Variants in FRMD4A observed in about 807,000 individuals in gnomAD.
FRMD4A encodes FERM domain containing 4A.
A neutral mutation model predicts 129.1 loss-of-function variants in FRMD4A; 29 were observed. That is an observed-to-expected ratio of 0.22 (90% CI 0.17 to 0.31). The LOEUF is 0.31. FRMD4A is among the 10% of genes least tolerant of loss of function. The probability of loss-of-function intolerance (pLI) is 1.00; values close to 1 mark genes in which losing one functional copy is unlikely to be tolerated. For missense variants in FRMD4A, 1,272 were observed against 1,375.8 expected (o/e 0.92, Z 1.19); for synonymous variants, 634 against 571.6 (o/e 1.11, Z -1.56).
At chr10:14,029,196 C>G (rs1015970588) in intron 2 of FRMD4A, among the ~76,000 whole-genome samples, 3 of 151,894 alleles carry the variant, frequency 2.0e-5, no homozygotes, top group African/African-American at 4.8e-5. Context: ...TTCTATGAAA[C>G]ATCTCCTCCA....
intron 2 of FRMD4A, among the ~76,000 whole-genome samples, chr10:14,042,323 G>A (rs1042010775): frequency 2.0e-5 from 3 of 152,000 alleles, no homozygotes; most frequent in African/African-American, 7.3e-5. Context: ...CTCTGCCTTT[G>A]CCTCTTTTAA....
intron 12 of FRMD4A, among the ~76,000 whole-genome samples, chr10:13,708,259 A>G (rs938957449): frequency 1.3e-5 from 2 of 152,138 alleles, no homozygotes; most frequent in Admixed American, 6.5e-5. Context: ...TGACCTGCTC[A>G]TGTTCTGCCC....
chr10:13,788,704 C>T (rs1468748768), intron 5 of FRMD4A, among the ~76,000 whole-genome samples: 1 of 152,226 alleles, frequency 6.6e-6, no homozygotes, highest in Non-Finnish European at 1.5e-5. Flanking sequence ...CCCAAACTAG[C>T]TCAGATGATC....
At chr10:13,660,946 TCTGAGTTCTGG>T (rs2082594740) in intron 19 of FRMD4A, among the ~76,000 whole-genome samples, 1 of 152,060 alleles carries the variant, frequency 6.6e-6, no homozygotes, top group Admixed American at 6.5e-5. Flanking sequence ...TGTGGGAGGG[TCTGAGTTCTGG>T]GAGAGTTTTG....
intron 2 of FRMD4A, among the ~76,000 whole-genome samples, chr10:13,996,308 G>T (rs887076565): frequency 6.6e-6 from 1 of 152,214 alleles, no homozygotes; most frequent in Non-Finnish European, 1.5e-5. Context: ...CCTGACACCT[G>T]CACTGCTGCC....
intron 2 of FRMD4A, among the ~76,000 whole-genome samples, chr10:14,134,576 GTGGGTAGATGGATGGA>G (rs761184009): frequency 4.3e-4 from 65 of 150,362 alleles, no homozygotes; most frequent in Non-Finnish European, 8.4e-4. Flanking sequence ...GGATGGGTAG[GTGGGTAGATGGATGGA>G]TGGGTAGATG....
chr10:13,954,770 C>T (rs979572698), intron 2 of FRMD4A, among the ~76,000 whole-genome samples: 1 of 152,222 alleles, frequency 6.6e-6, no homozygotes, highest in African/African-American at 2.4e-5. Context: ...CAGTTCATCT[C>T]AGATCCACTG....
At chr10:13,733,518 G>A (rs1173829805) in intron 12 of FRMD4A, among the ~76,000 whole-genome samples, 1 of 152,170 alleles carries the variant, frequency 6.6e-6, no homozygotes, top group Non-Finnish European at 1.5e-5. Context: ...CGCCTCCCGG[G>A]TTCAAATGAT....
chr10:13,899,488 C>G (rs1380319770), intron 2 of FRMD4A, among the ~76,000 whole-genome samples: 1 of 152,148 alleles, frequency 6.6e-6, no homozygotes, highest in East Asian at 1.9e-4. Context: ...AGACAAGGAA[C>G]TTGGGATGTA....
At chr10:13,789,981 G>A (rs572899489) in intron 5 of FRMD4A, among the ~76,000 whole-genome samples, 2 of 152,228 alleles carry the variant, frequency 1.3e-5, no homozygotes, top group Non-Finnish European at 2.9e-5. Flanking sequence ...AGGGGAGTTT[G>A]GAAGGGGTCA....
chr10:13,910,888 GAAAAAAAAAAAAAAAAAAAA>G (rs141449954), intron 2 of FRMD4A, among the ~76,000 whole-genome samples: 16 of 83,068 alleles, frequency 1.9e-4, no homozygotes, highest in African/African-American at 8.0e-4. Flanking sequence ...GGAGTTTCAT[GAAAAAAAAAAAAAAAAAAAA>G]AAAAAAAAAA....
At chr10:14,290,463 G>C (rs541769378) in intron 2 of FRMD4A, among the ~76,000 whole-genome samples, 1 of 152,014 alleles carries the variant, frequency 6.6e-6, no homozygotes, top group African/African-American at 2.4e-5. Flanking sequence ...ATGATGCCAA[G>C]AATACATACT....
intron 2 of FRMD4A, among the ~76,000 whole-genome samples, chr10:14,151,847 C>T (rs990428776): frequency 6.6e-6 from 1 of 151,978 alleles, no homozygotes; most frequent in Non-Finnish European, 1.5e-5. Context: ...GGCAGCAGGC[C>T]CCTGTTCCCT....
intron 2 of FRMD4A, among the ~76,000 whole-genome samples, chr10:14,303,068 A>T (rs934953527): frequency 6.6e-6 from 1 of 152,204 alleles, no homozygotes; most frequent in Non-Finnish European, 1.5e-5. Context: ...ATAGCAGCAG[A>T]TCCTGGCCTC....
chr10:13,884,120 A>ACACACG (rs1464113295), intron 2 of FRMD4A, among the ~76,000 whole-genome samples: 2 of 114,252 alleles, frequency 1.8e-5, no homozygotes, highest in Admixed American at 9.1e-5. Context: ...ACACACACAC[A>ACACACG]CTCACACACA....
intron 5 of FRMD4A, among the ~76,000 whole-genome samples, chr10:13,785,868 G>A (rs1016788415): frequency 3.0e-4 from 45 of 151,668 alleles, no homozygotes; most frequent in Non-Finnish European, 4.7e-4. Flanking sequence ...AAGAACATGT[G>A]GTGTTTGGTT....
intron 2 of FRMD4A, chr10:14,326,414 T>A (rs1843277341): frequency 6.5e-6 from 1 of 153,122 alleles, no homozygotes. Context: ...ACTTGCTTCA[T>A]CAGTTTCACT....
intron 3 of FRMD4A, among the ~76,000 whole-genome samples, chr10:13,826,701 C>G (rs972964605): frequency 6.6e-6 from 1 of 152,072 alleles, no homozygotes; most frequent in Admixed American, 6.6e-5. Flanking sequence ...CTGATGATGT[C>G]GTTTTCGATA....
chr10:14,036,577 C>T (rs938843605), intron 2 of FRMD4A, among the ~76,000 whole-genome samples: 1 of 152,170 alleles, frequency 6.6e-6, no homozygotes, highest in Non-Finnish European at 1.5e-5. Flanking sequence ...GACGGAATCA[C>T]TGATTTTTAC....
Sources: allele counts gnomAD v4.1 joint callset (sites outside exome capture counted in the v4.1 genomes callset), GRCh38; gene constraint gnomAD v4.1.1; transcripts MANE v1.5; gene names NCBI Gene and HGNC (gene_info 2026-07-23, HGNC 2026-07-21).